GNS: variants seen among roughly 807,000 people sequenced by gnomAD.
GNS encodes the protein glucosamine (N-acetyl)-6-sulfatase.
Under a neutral mutation model 69.7 loss-of-function variants are expected in GNS, and 40 were observed. That is an observed-to-expected ratio of 0.57 (90% confidence interval 0.45 to 0.75). The LOEUF is 0.75. GNS is among the 30% of genes least tolerant of loss of function. The pLI is 0.00. For synonymous variants in GNS, 243 were observed against 251.6 expected (o/e 0.97, Z 0.32); for missense variants, 565 against 685.5 (o/e 0.82, Z 1.96).
chr12:64,720,902 C>T (rs1869005846), intron 12 of GNS, among the ~76,000 whole-genome samples: 1 of 152,150 alleles, frequency 6.6e-6, no homozygotes, highest in Non-Finnish European at 1.5e-5. Context: ...AACTGATAAA[C>T]ATTATGGGGG....
intron 11 of GNS, 199 bp downstream of exon 11, chr12:64,722,807 A>G (rs1194689134): frequency 6.9e-6 from 4 of 578,092 alleles, no homozygotes; most frequent in Non-Finnish European, 1.3e-5. Flanking sequence ...GAAGATTAAC[A>G]GTGCACATTC....
intron 10 of GNS, among the ~76,000 whole-genome samples, chr12:64,726,647 A>G (rs1869210002): frequency 6.6e-6 from 1 of 152,168 alleles, no homozygotes; most frequent in Non-Finnish European, 1.5e-5. Context: ...GATGCACACC[A>G]TCATGCCTGG....
At chr12:64,720,988 T>C (rs1326879780) in intron 12 of GNS, among the ~76,000 whole-genome samples, 1 of 152,028 alleles carries the variant, frequency 6.6e-6, no homozygotes, top group African/African-American at 2.4e-5. Flanking sequence ...GCAAATGGAG[T>C]GGAGAATGAG....
At chr12:64,723,274 A>G (rs552015351) in intron 10 of GNS, among the ~76,000 whole-genome samples, 161 bp from the exon 11 acceptor site, 1 of 152,348 alleles carries the variant, frequency 6.6e-6, no homozygotes, top group Non-Finnish European at 1.5e-5. Context: ...AAAGCTACTG[A>G]GCAGTATGTT....
In GNS at chr12:64,715,306, C is replaced by T. The variant is rs547333907; in HGVS notation, c.*1435G>A. ...GGCCGAGGTGGGTGGATCACAAGGT[C>T]AGGAGTTCAAGACCAGCCTGGCCAA... On this transcript the variant is annotated 3_prime_UTR_variant, in exon 14 of 14. Coordinates refer to ENST00000258145, the MANE Select transcript of GNS (RefSeq NM_002076.4). 3 of 152,298 alleles carry T rather than the reference C, an allele frequency of 2.0e-5. No homozygotes were observed. The highest frequency in any genetic ancestry group is 7.2e-5 in the African/African-American group (3 of 41,544). The allele number at this position is 152,298 out of a possible 1,614,324, so 9.4% of individuals were successfully genotyped here.
At position 64,739,786 on chromosome 12, in the gene GNS, C is replaced by T. The variant is rs534962865; in HGVS notation, c.876-287G>A. Among the ~76,000 whole-genome samples the T allele has an allele frequency of 3.9e-5, 6 of 152,184 alleles. No individual in the cohort carries two copies. The South Asian group carries it at 8.3e-4, about 21-fold the overall frequency. On this transcript the variant is annotated intron_variant, in intron 7 of 13. Coordinates refer to ENST00000258145, the MANE Select transcript of GNS (RefSeq NM_002076.4). ...TTAATTGTTTCCAAAGAAATAAACT[C>T]GTTTTTAAATAACCAGTTAGCTTTA...
chr12:64,747,986 G>A (rs1440473840), intron 2 of GNS, 68 bp from the exon 3 acceptor site: 1 of 871,320 alleles, frequency 1.1e-6, no homozygotes, highest in Non-Finnish European at 2.0e-6. Context: ...CATTGTTAAA[G>A]AGAGTAAAGA....
In GNS at chr12:64,741,301, T is replaced by G. The variant is rs138289008; in HGVS notation, c.793-613A>C. On this transcript the variant is annotated intron_variant, in intron 6 of 13. Transcript: ENST00000258145. ...AGGCGGAGGTTGCATTGAGCCGAGA[T>G]CGCACTACTACACTCCAGCCCAAGC... Among the ~76,000 whole-genome samples, 44 of 151,258 alleles carry G rather than the reference T, an allele frequency of 2.9e-4. No homozygotes were observed. In the East Asian group the frequency reaches 7.9e-3, roughly 27 times the overall value.
At chr12:64,750,686 T>C (rs889494441) in intron 2 of GNS, among the ~76,000 whole-genome samples, 2 of 151,952 alleles carry the variant, frequency 1.3e-5, no homozygotes, top group Non-Finnish European at 2.9e-5. Context: ...GAGGATCACT[T>C]GAGGCCAGGA....
chr12:64,723,287 G>C (rs1869091142), intron 10 of GNS, among the ~76,000 whole-genome samples, 174 bp from the exon 11 acceptor site: 1 of 152,196 alleles, frequency 6.6e-6, no homozygotes, highest in Non-Finnish European at 1.5e-5. Context: ...AGTATGTTTG[G>C]TAGTTAAGGG....
chr12:64,744,682 G>C (rs1034144779), intron 5 of GNS, 127 bp downstream of exon 5: 1 of 700,648 alleles, frequency 1.4e-6, no homozygotes, highest in African/African-American at 1.8e-5. Context: ...TGGGCAGTTA[G>C]ACCAAGTTAC....
chr12:64,719,309 A>C (rs1868952303), intron 13 of GNS, among the ~76,000 whole-genome samples: 1 of 152,224 alleles, frequency 6.6e-6, no homozygotes, highest in Non-Finnish European at 1.5e-5. Context: ...GAAGGTAGGA[A>C]CTAAAATATT....
rs1869652086 is a variant in GNS, at chr12:64,739,261, A to T, written c.994+120T>A. ...CAACTGGAGGGGTCCTGAGGGCAAG[A>T]TCCTCCCTCTGGCATGTCCACAGTT... On this transcript the variant is annotated intron_variant, in intron 8 of 13. Coordinates refer to ENST00000258145, the MANE Select transcript of GNS (RefSeq NM_002076.4). 6 of 779,474 alleles carry T rather than the reference A, an allele frequency of 7.7e-6. No homozygotes were observed. In the Admixed American group the frequency reaches 1.0e-4, roughly 13 times the overall value. The allele number at this position is 779,474 out of a possible 1,614,324, so 48.3% of individuals were successfully genotyped here.
rs1345080063 is a variant in GNS, at chr12:64,723,388, A to C, written c.1201-275T>G. Among the ~76,000 whole-genome samples the C allele has an allele frequency of 5.9e-5, 9 of 152,246 alleles. No homozygotes were observed. In the East Asian group the frequency reaches 1.7e-3, roughly 29 times the overall value. ...ATCAGGTCAGGAATGGAACCTGACA[A>C]GGTAGCTAAGCAAGAATCAAAGTCA... On this transcript the variant is annotated intron_variant, in intron 10 of 13. Coordinates refer to ENST00000258145, the MANE Select transcript of GNS (RefSeq NM_002076.4).
chr12:64,750,208 G>A (rs1023074868), intron 2 of GNS, among the ~76,000 whole-genome samples: 9 of 151,976 alleles, frequency 5.9e-5, no homozygotes, highest in Middle Eastern at 3.4e-3. Context: ...CACCACGCCC[G>A]GCTAATTTTT....
Position 64,740,798 on chromosome 12 carries a change from G to A in GNS, c.793-110C>T, listed in dbSNP as rs1045235926. ...AACCGTTTCACTCATACTTCAGCAA[G>A]AAGGAACTAACTGGAACTTGTTTAA... is the stretch of plus-strand genomic sequence containing the variant. On this transcript the variant is annotated intron_variant, in intron 6 of 13. Transcript: ENST00000258145. The A allele has an allele frequency of 7.1e-6, 5 of 705,528 alleles. No homozygotes were observed. In the Admixed American group the frequency reaches 1.0e-4, roughly 14 times the overall value. 43.7% of individuals were successfully genotyped at this position (705,528 alleles called of 1,614,324 possible). A position where few individuals can be genotyped will look rare whatever the true frequency, so the allele number is the denominator to read the frequency against.
rs1045141865 is a variant in GNS, at chr12:64,740,461, G to C, written c.875+145C>G. The stretch of plus-strand genomic sequence containing the variant: ...AGTGTAAAGGAATCTCTCTGCTTCT[G>C]GTGCCCCATCGAAGCCTCTCTCCCA... On this transcript the variant is annotated intron_variant, in intron 7 of 13. Coordinates refer to ENST00000258145, the MANE Select transcript of GNS (RefSeq NM_002076.4). 54 of 678,982 alleles carry C rather than the reference G, an allele frequency of 8.0e-5. No individual in the cohort carries two copies. The East Asian group carries it at 1.4e-3, about 18-fold the overall frequency. 42.1% of individuals were successfully genotyped at this position (678,982 alleles called of 1,614,324 possible). A position where few individuals can be genotyped will look rare whatever the true frequency, so the allele number is the denominator to read the frequency against.
Position 64,744,790 on chromosome 12 carries a change from C to T in GNS, c.624+19G>A, listed in dbSNP as rs1869848568. On this transcript the variant is annotated intron_variant, in intron 5 of 13. Transcript: ENST00000258145. ...AGCCAACCCTGTAAGGACAGAGCTA[C>T]AAAGCTTCTGCAACTCACCAAAACA... The T allele has an allele frequency of 4.3e-6, 5 of 1,150,622 alleles. No homozygotes were observed. The highest frequency in any genetic ancestry group is 1.7e-5 in the Admixed American group (1 of 59,464). 71.3% of individuals were successfully genotyped at this position (1,150,622 alleles called of 1,614,324 possible). A position where few individuals can be genotyped will look rare whatever the true frequency, so the allele number is the denominator to read the frequency against.
At chr12:64,726,187 G>C (rs1019786272) in intron 10 of GNS, among the ~76,000 whole-genome samples, 1 of 151,962 alleles carries the variant, frequency 6.6e-6, no homozygotes, top group African/African-American at 2.4e-5. Flanking sequence ...GGAAGACACG[G>C]GCTAGGATCC....
Sources: allele counts gnomAD v4.1 joint callset (sites outside exome capture counted in the v4.1 genomes callset), GRCh38; gene constraint gnomAD v4.1.1; transcripts MANE v1.5; gene names NCBI Gene and HGNC (gene_info 2026-07-23, HGNC 2026-07-21).